DSCAM: variants seen among roughly 807,000 people sequenced by gnomAD.
DSCAM encodes DS cell adhesion molecule, also known as cell adhesion molecule DSCAM.
DSCAM carries 47 observed loss-of-function variants against 217.7 expected under a neutral mutation model. The observed-to-expected ratio is 0.22, with a 90% CI of 0.17 to 0.28. DSCAM has a LOEUF of 0.28. Ranked by LOEUF, DSCAM falls within the 10% of genes least tolerant of loss-of-function variation. The pLI is 1.00. For synonymous variants in DSCAM, 1,056 were observed against 1,015.3 expected (o/e 1.04, Z -0.76); for missense variants, 2,080 against 2,618.3 (o/e 0.79, Z 4.49).
intron 1 of DSCAM, among the ~76,000 whole-genome samples, chr21:40,815,033 T>C (rs1378526983): frequency 6.6e-6 from 1 of 152,180 alleles, no homozygotes; most frequent in Non-Finnish European, 1.5e-5. Flanking sequence ...CATGATTTGA[T>C]CTGCTTCAGA....
intron 21 of DSCAM, among the ~76,000 whole-genome samples, chr21:40,090,168 G>A (rs748773289): frequency 3.9e-5 from 6 of 152,108 alleles, no homozygotes; most frequent in South Asian, 2.1e-4. Context: ...TGCTGTGGTC[G>A]TGGGCTCTTT....
intron 3 of DSCAM, among the ~76,000 whole-genome samples, chr21:40,616,077 G>A (rs539841448): frequency 1.3e-4 from 20 of 152,020 alleles, no homozygotes; most frequent in Admixed American, 2.0e-4. Context: ...TTGTGTATGA[G>A]TCAGCTCCTG....
At chr21:40,669,352 A>C (rs9980487) in intron 3 of DSCAM, among the ~76,000 whole-genome samples, 63,031 of 151,908 alleles carry the variant, frequency 0.41, 13,880 homozygotes, top group East Asian at 0.57. Flanking sequence ...ACACTTCCAC[A>C]ATCCACGTGC....
At chr21:40,663,230 G>C (rs570830286) in intron 3 of DSCAM, among the ~76,000 whole-genome samples, 1 of 141,006 alleles carries the variant, frequency 7.1e-6, no homozygotes, top group African/African-American at 2.6e-5. Context: ...GGTGTGGGGG[G>C]AATATAAGCA....
At position 40,682,177 on chromosome 21, in the gene DSCAM, G is replaced by T. The variant is rs77622395; in HGVS notation, c.508+10633C>A. Reference sequence around the variant, plus strand: ...GGTCATGGGGAAGGTTTCCTTTGTTGGAGGTGGCCAGAGGGATGCGGGGGA... The same window carrying T: ...GGTCATGGGGAAGGTTTCCTTTGTTTGAGGTGGCCAGAGGGATGCGGGGGA... On this transcript the variant is annotated intron_variant, in intron 3 of 32. Transcript: ENST00000400454. Among the ~76,000 whole-genome samples, 971 of 133,830 alleles carry T rather than the reference G, an allele frequency of 7.3e-3. 21 individuals are homozygous for T. The East Asian group carries it at 0.081, about 11-fold the overall frequency. The allele number at this position is 133,830 out of a possible 152,430, so 87.8% of individuals were successfully genotyped here.
intron 5 of DSCAM, among the ~76,000 whole-genome samples, chr21:40,351,413 C>A (rs1442434023): frequency 6.6e-6 from 1 of 152,150 alleles, no homozygotes; most frequent in African/African-American, 2.4e-5. Flanking sequence ...GAAGTGCCAA[C>A]TAAATTTCTG....
intron 3 of DSCAM, among the ~76,000 whole-genome samples, chr21:40,391,305 G>A (rs2075131822): frequency 6.6e-6 from 1 of 152,168 alleles, no homozygotes; most frequent in South Asian, 2.1e-4. Flanking sequence ...ATCGCTGAGT[G>A]CATAAACACA....
intron 8 of DSCAM, among the ~76,000 whole-genome samples, chr21:40,314,965 A>T (rs1402808693): frequency 3.3e-5 from 5 of 152,226 alleles, no homozygotes. Context: ...AGCCTTTAAG[A>T]TGAGGAAAAA....
intron 1 of DSCAM, among the ~76,000 whole-genome samples, chr21:40,817,170 C>T (rs1295517543): frequency 6.6e-6 from 1 of 152,060 alleles, no homozygotes; most frequent in Non-Finnish European, 1.5e-5. Context: ...TCTCTAAGCC[C>T]CATTTGTCTT....
At chr21:40,145,976 G>GTGTGTGTA (rs1555883487) in intron 16 of DSCAM, among the ~76,000 whole-genome samples, 8 of 110,324 alleles carry the variant, frequency 7.3e-5, no homozygotes, top group African/African-American at 2.0e-4. Context: ...ACACATACAT[G>GTGTGTGTA]TGTATGTATG....
At chr21:40,655,499 G>A (rs2090064960) in intron 3 of DSCAM, among the ~76,000 whole-genome samples, 1 of 150,150 alleles carries the variant, frequency 6.7e-6, no homozygotes, top group African/African-American at 2.5e-5. Context: ...CTGGAGCACA[G>A]TGGCACAATC....
rs2075938579 is a variant in DSCAM, at chr21:40,476,647, T to C, written c.509-107402A>G. ...TCTAGGAATTTCAGAAGACTATAAC[T>C]GGGGAGTTTTGGGGGAAAGAATTTA... On this transcript the variant is annotated intron_variant, in intron 3 of 32. Transcript: ENST00000400454. 5.9e-5 allele frequency among the ~76,000 whole-genome samples: 9 copies of C among 152,216 alleles called. No homozygotes were observed. In the South Asian group the frequency reaches 1.7e-3, roughly 28 times the overall value.
chr21:40,623,991 T>C (rs2146305008), intron 3 of DSCAM, among the ~76,000 whole-genome samples: 1 of 152,134 alleles, frequency 6.6e-6, no homozygotes, highest in African/African-American at 2.4e-5. Context: ...ACTCAGAAGG[T>C]TGGTTTGTCT....
intron 29 of DSCAM, among the ~76,000 whole-genome samples, 171 bp downstream of exon 29, chr21:40,055,554 T>G (rs865847380): frequency 1.2e-4 from 19 of 152,340 alleles, no homozygotes; most frequent in Middle Eastern, 3.4e-3. Flanking sequence ...TTCTGCACAT[T>G]TGCTGGTACT....
At position 40,401,644 on chromosome 21, in the gene DSCAM, T is replaced by C. The variant is rs566540623; in HGVS notation, c.509-32399A>G. Among the ~76,000 whole-genome samples the C allele has an allele frequency of 5.9e-5, 9 of 152,366 alleles. No individual in the cohort carries two copies. The South Asian group carries it at 1.9e-3, about 32-fold the overall frequency. On this transcript the variant is annotated intron_variant, in intron 3 of 32. Transcript: ENST00000400454. ...TGCAGGGACCACTCCTTGAGGACTG[T>C]TGCACTTTGGCATTGTGATTTAAAA... is the stretch of plus-strand genomic sequence containing the variant.
At chr21:40,671,835 T>C (rs914751475) in intron 3 of DSCAM, among the ~76,000 whole-genome samples, 3 of 152,188 alleles carry the variant, frequency 2.0e-5, no homozygotes, top group South Asian at 2.1e-4. Context: ...AGACAGCAGT[T>C]CTCCAAGAAA....
intron 31 of DSCAM, among the ~76,000 whole-genome samples, chr21:40,043,338 G>A (rs2088788226): frequency 6.6e-6 from 1 of 152,102 alleles, no homozygotes; most frequent in African/African-American, 2.4e-5. Context: ...TCCTCTGTGT[G>A]GAACTCTGAG....
At chr21:40,800,715 CT>C (rs34391500) in intron 1 of DSCAM, among the ~76,000 whole-genome samples, 13,721 of 131,034 alleles carry the variant, frequency 0.1, 786 homozygotes, top group Admixed American at 0.19. Context: ...TTCTTACTTT[CT>C]TTTTTTTTTT....
At chr21:40,255,868 G>A (rs1455503356) in intron 11 of DSCAM, among the ~76,000 whole-genome samples, 1 of 152,210 alleles carries the variant, frequency 6.6e-6, no homozygotes, top group African/African-American at 2.4e-5. Flanking sequence ...CAGTCAGAAA[G>A]AGCCAGGAAG....
Sources: allele counts gnomAD v4.1 joint callset (sites outside exome capture counted in the v4.1 genomes callset), GRCh38; gene constraint gnomAD v4.1.1; transcripts MANE v1.5; gene names NCBI Gene and HGNC (gene_info 2026-07-23, HGNC 2026-07-21).